Variants in REPS2 observed in about 807,000 individuals in gnomAD.
REPS2 encodes RALBP1 associated Eps domain containing 2.
In REPS2, 23 loss-of-function variants were observed where a neutral mutation model predicts 53.6. The ratio of observed to expected loss-of-function variants is 0.43; its 90% CI spans 0.31 to 0.61. The LOEUF (loss-of-function observed/expected upper bound fraction) is 0.61, where lower values mean the gene tolerates loss of function less well. REPS2 is among the 20% of genes least tolerant of loss of function. The pLI is 0.11. For missense variants in REPS2, 446 were observed against 534.9 expected (o/e 0.83, Z 1.64); for synonymous variants, 238 against 218.6 (o/e 1.09, Z -0.78).
chrX:16,957,487 A>G (rs1034878506), intron 1 of REPS2, among the ~76,000 whole-genome samples: 3 of 111,684 alleles, frequency 2.7e-5, no homozygotes, highest in Non-Finnish European at 5.6e-5. Flanking sequence ...TCAAAAGAAC[A>G]TATTTAATAC....
In REPS2 at chrX:16,968,033, G is replaced by A. The variant is rs780425847; in HGVS notation, c.273+20899G>A. ...CCCTGGGTACTTGAGATTAGGGAGC[G>A]GTGATGACTCTTAAGGAGCATGCTG... On this transcript the variant is annotated intron_variant, in intron 1 of 17. Coordinates refer to ENST00000357277, the MANE Select transcript of REPS2 (RefSeq NM_004726.3). Among the ~76,000 whole-genome samples the A allele has an allele frequency of 2.5e-3, 278 of 110,349 alleles. 2 individuals carry two copies. The highest frequency in any genetic ancestry group is 8.4e-3 in the African/African-American group (253 of 30,254).
At chrX:17,092,001 T>C (rs751552245) in intron 13 of REPS2, among the ~76,000 whole-genome samples, 1 of 111,948 alleles carries the variant, frequency 8.9e-6, no homozygotes, top group East Asian at 2.8e-4. Flanking sequence ...TTGAGTGTTT[T>C]TCCCCCCTTT....
At chrX:16,965,032 G>C (rs1221300455) in intron 1 of REPS2, among the ~76,000 whole-genome samples, 1 of 90,404 alleles carries the variant, frequency 1.1e-5, no homozygotes, top group Non-Finnish European at 2.2e-5. Context: ...CGGCTGGCCG[G>C]GCGGGGGGCT....
At chrX:16,949,366 G>T (rs1375253628) in intron 1 of REPS2, among the ~76,000 whole-genome samples, 4 of 111,798 alleles carry the variant, frequency 3.6e-5, no homozygotes, top group Non-Finnish European at 7.5e-5. Flanking sequence ...TGAGAATCTT[G>T]CATTCTTACC....
intron 1 of REPS2, among the ~76,000 whole-genome samples, chrX:17,000,239 G>C (rs1175751753): frequency 9.0e-6 from 1 of 110,957 alleles, no homozygotes; most frequent in Non-Finnish European, 1.9e-5. Context: ...GTGAAAAATG[G>C]GGGCTGAGGA....
At chrX:17,133,789 T>C in intron 14 of REPS2, 35 bp from the exon 15 acceptor site, 1 of 1,123,914 alleles carries the variant, frequency 8.9e-7, no homozygotes, top group Non-Finnish European at 1.2e-6. Context: ...ATTGTGGTTT[T>C]GCATTTCTGT....
chrX:17,186,662 G>C, the REPS2 span, among the ~76,000 whole-genome samples: 3 of 111,944 alleles, frequency 2.7e-5, no homozygotes, highest in Non-Finnish European at 5.6e-5. Context: ...ATAGCCTTAG[G>C]AAATAAAGTT....
At chrX:16,975,162 T>C (rs2060940693) in intron 1 of REPS2, among the ~76,000 whole-genome samples, 1 of 112,329 alleles carries the variant, frequency 8.9e-6, no homozygotes, top group Non-Finnish European at 1.9e-5. Context: ...TTGTGAATAG[T>C]GCTGCAATGA....
At chrX:17,125,788 C>T (rs931940133) in intron 14 of REPS2, among the ~76,000 whole-genome samples, 1 of 112,465 alleles carries the variant, frequency 8.9e-6, no homozygotes, top group Non-Finnish European at 1.9e-5. Flanking sequence ...GTGTTGTGTG[C>T]CATAGGCTTT....
intron 13 of REPS2, chrX:17,100,365 G>A (rs916106688): frequency 1.8e-4 from 84 of 470,400 alleles, no homozygotes; most frequent in African/African-American, 3.8e-4. Flanking sequence ...CCCAGGAGCC[G>A]GAAAGGAATC....
chrX:17,101,339 AGCGTGAGC>A (rs2062798502), intron 13 of REPS2, among the ~76,000 whole-genome samples: 1 of 110,721 alleles, frequency 9.0e-6, no homozygotes, highest in African/African-American at 3.3e-5. Flanking sequence ...TGGGATTACA[AGCGTGAGC>A]CATCGCGCCA....
chrX:16,953,100 AACACACACACACACACACACAC>A (rs68090119), intron 1 of REPS2, among the ~76,000 whole-genome samples: 29 of 97,235 alleles, frequency 3.0e-4, no homozygotes, highest in African/African-American at 7.2e-4. Flanking sequence ...CCAAAAAACA[AACACACACACACACACACACAC>A]ACACACACAC....
the REPS2 span, among the ~76,000 whole-genome samples, chrX:17,184,189 C>A: frequency 1.1e-5 from 1 of 87,971 alleles, no homozygotes; most frequent in Non-Finnish European, 2.2e-5. Flanking sequence ...TCCCCCCACC[C>A]CACAACAGTC....
intron 11 of REPS2, among the ~76,000 whole-genome samples, chrX:17,071,578 C>T (rs1313685511): frequency 9.0e-6 from 1 of 111,679 alleles, no homozygotes; most frequent in Non-Finnish European, 1.9e-5. Context: ...CTTCCCACTA[C>T]TGCCCCTCTC....
rs749585889 is a variant in REPS2 at position 17,006,240 on chromosome X, C to T, written c.293C>T (p.Ala98Val). ...TCTCAGATCACAGAACTGTGTGGTG[C>T]AAAGCGGGTTGGTTATTTTGGTCCA... ...TLHQITELCG[A>V]KRVGYFGPTQ... is the part of the protein sequence containing the mutation. The change falls in exon 2 of 18, where the codon GCA becomes GTA. Residue 98 changes from alanine (A) to valine (V), a missense_variant. Coordinates refer to ENST00000357277, the MANE Select transcript of REPS2 (RefSeq NM_004726.3). The T allele has an allele frequency of 8.3e-7, 1 of 1,210,845 alleles. No homozygotes were observed. The highest frequency in any genetic ancestry group is 1.8e-5 in the South Asian group (1 of 56,951).
chrX:16,993,967 C>T (rs1251096211), intron 1 of REPS2, among the ~76,000 whole-genome samples: 3 of 112,911 alleles, frequency 2.7e-5, no homozygotes, highest in African/African-American at 9.6e-5. Flanking sequence ...TTGAAAACTG[C>T]ACAACTAGGG....
intron 14 of REPS2, among the ~76,000 whole-genome samples, chrX:17,108,532 T>G (rs778522749): frequency 5.4e-5 from 6 of 111,804 alleles, no homozygotes; most frequent in African/African-American, 1.6e-4. Context: ...CTTCAGTAGC[T>G]AAGTCCTTTT....
intron 13 of REPS2, among the ~76,000 whole-genome samples, chrX:17,092,806 C>T (rs1436092280): frequency 2.0e-5 from 2 of 102,266 alleles, no homozygotes; most frequent in Admixed American, 1.1e-4. Context: ...TTCCACCATG[C>T]GATCAAAGTA....
At chrX:17,187,844 T>C in the REPS2 span, among the ~76,000 whole-genome samples, 4 of 112,806 alleles carry the variant, frequency 3.5e-5, no homozygotes, top group Non-Finnish European at 7.5e-5. Flanking sequence ...CAAAATTGAC[T>C]AATGTTTTAA....
Sources: allele counts gnomAD v4.1 joint callset (sites outside exome capture counted in the v4.1 genomes callset), GRCh38; gene constraint gnomAD v4.1.1; transcripts MANE v1.5; gene names NCBI Gene and HGNC (gene_info 2026-07-23, HGNC 2026-07-21).